The following IGF1 variants were observed in gnomAD, a reference collection of about 807,000 sequenced individuals.
IGF1 encodes insulin like growth factor 1.
In IGF1, 4 loss-of-function variants were observed where a neutral mutation model predicts 13.8. That is an observed-to-expected ratio of 0.29 (90% CI 0.14 to 0.66). IGF1 has a LOEUF of 0.66. IGF1 is among the 30% of genes least tolerant of loss of function. IGF1 has a pLI of 0.78. For missense variants in IGF1, 124 were observed against 188.5 expected (o/e 0.66, Z 2.00); for synonymous variants, 76 against 72.6 (o/e 1.05, Z -0.23).
At chr12:102,451,744 T>G (rs1764376588) in intron 2 of IGF1, among the ~76,000 whole-genome samples, 1 of 152,108 alleles carries the variant, frequency 6.6e-6, no homozygotes, top group African/African-American at 2.4e-5. Flanking sequence ...AGGAACCCTG[T>G]CAGTTTGGTT....
chr12:102,444,698 A>G (rs1222800067), intron 2 of IGF1, among the ~76,000 whole-genome samples: 2 of 152,108 alleles, frequency 1.3e-5, no homozygotes, highest in South Asian at 2.1e-4. Flanking sequence ...AAGCAAAACA[A>G]TTGGTTACCT....
chr12:102,405,670 A>T (rs1023931727), intron 3 of IGF1, among the ~76,000 whole-genome samples: 1 of 152,220 alleles, frequency 6.6e-6, no homozygotes, highest in African/African-American at 2.4e-5. Flanking sequence ...GCTCAAAATA[A>T]GAAGTTCTTT....
chr12:102,474,989 C>T (rs532117252), intron 2 of IGF1, among the ~76,000 whole-genome samples: 20 of 152,028 alleles, frequency 1.3e-4, no homozygotes, highest in Middle Eastern at 6.8e-3. Flanking sequence ...TGATGGGTCC[C>T]GGAGAAGAAC....
intron 2 of IGF1, 22 bp from the exon 3 acceptor site, chr12:102,419,712 G>T (rs769214092): frequency 1.2e-6 from 2 of 1,608,834 alleles, no homozygotes; most frequent in South Asian, 2.2e-5. Context: ...AAACAGAGTG[G>T]CCTCATGTTA....
intron 2 of IGF1, among the ~76,000 whole-genome samples, chr12:102,431,100 C>T (rs540314860): frequency 1.3e-5 from 2 of 152,308 alleles, no homozygotes; most frequent in Admixed American, 1.3e-4. Flanking sequence ...ACCAAGGGGT[C>T]TCTTTCTCTT....
At chr12:102,423,654 T>C (rs1408161985) in intron 2 of IGF1, among the ~76,000 whole-genome samples, 1 of 152,178 alleles carries the variant, frequency 6.6e-6, no homozygotes, top group Non-Finnish European at 1.5e-5. Context: ...GCTTCTATAA[T>C]AACAGCACTT....
At chr12:102,416,705 G>A (rs932004407) in intron 3 of IGF1, among the ~76,000 whole-genome samples, 3 of 152,160 alleles carry the variant, frequency 2.0e-5, no homozygotes, top group Admixed American at 1.3e-4. Context: ...ATCTGTGGTG[G>A]GGTGGTGGAG....
In IGF1 at chr12:102,448,689, T is replaced by TAAAA. The variant is rs58794507; in HGVS notation, c.220+26950_220+26953dup. Reference sequence around the variant, plus strand: ...ATGTACCCTAAAACTTAGAGTATAATAAAAAAAAAAAAAAAAAAAAAAAAA... The same window carrying TAAAA: ...ATGTACCCTAAAACTTAGAGTATAATAAAAAAAAAAAAAAAAAAAAAAAAAAAAA... On this transcript the variant is annotated intron_variant, in intron 2 of 3. Coordinates refer to ENST00000337514, the MANE Select transcript of IGF1 (RefSeq NM_000618.5). 6.1e-4 allele frequency among the ~76,000 whole-genome samples: 67 copies of TAAAA among 110,294 alleles called. 2 individuals are homozygous for TAAAA. In the East Asian group the frequency reaches 6.4e-3, roughly 11 times the overall value. The allele number at this position is 110,294 out of a possible 152,430, so 72.4% of individuals were successfully genotyped here. A position where few individuals can be genotyped will look rare whatever the true frequency, so the allele number is the denominator to read the frequency against.
chr12:102,439,531 G>A (rs35403470), intron 2 of IGF1, among the ~76,000 whole-genome samples: 14,997 of 152,194 alleles, frequency 0.099, 1,005 homozygotes, highest in Non-Finnish European at 0.15. Context: ...TGAGTGAGCA[G>A]GAAAGTACTA....
At chr12:102,413,598 A>T (rs1249177247) in intron 3 of IGF1, among the ~76,000 whole-genome samples, 4 of 152,168 alleles carry the variant, frequency 2.6e-5, no homozygotes, top group African/African-American at 9.7e-5. Flanking sequence ...AAGGCACTGG[A>T]TTGGCAGCCC....
In IGF1 at chr12:102,442,510, G is replaced by C. The variant is rs143012977; in HGVS notation, c.221-22820C>G. Among the ~76,000 whole-genome samples the C allele has an allele frequency of 2.4e-3, 360 of 152,130 alleles. 8 individuals are homozygous for C. The highest frequency in any genetic ancestry group is 7.6e-3 in the African/African-American group (317 of 41,532). On this transcript the variant is annotated intron_variant, in intron 2 of 3. Transcript: ENST00000337514. ...CTGATAAACAGAGTGAAGTGAAAAG[G>C]CATGCTCTTTGCATTTTAAAAACCC...
At chr12:102,428,986 A>G (rs967036029) in intron 2 of IGF1, among the ~76,000 whole-genome samples, 1 of 152,260 alleles carries the variant, frequency 6.6e-6, no homozygotes, top group Non-Finnish European at 1.5e-5. Flanking sequence ...CAGAATATAA[A>G]ATCAGAAGAT....
chr12:102,465,603 T>A lies in IGF1; in HGVS notation c.220+10040A>T, dbSNP rs1880242148. On this transcript the variant is annotated intron_variant, in intron 2 of 3. Transcript: ENST00000337514. ...TCACTTGTGAGGAATTGAGTTTATT[T>A]ATTATGTGCCTGACAAGGGAACAGC... Among the ~76,000 whole-genome samples the A allele has an allele frequency of 2.0e-5, 3 of 152,332 alleles. No individual in the cohort carries two copies. In the South Asian group the frequency reaches 6.2e-4, roughly 32 times the overall value.
intron 2 of IGF1, among the ~76,000 whole-genome samples, chr12:102,421,484 A>G (rs746777516): frequency 6.6e-6 from 1 of 152,202 alleles, no homozygotes; most frequent in Non-Finnish European, 1.5e-5. Flanking sequence ...TAGCCAGTAA[A>G]GCACAGCTGA....
chr12:102,433,258 T>C (rs1372943151), intron 2 of IGF1, among the ~76,000 whole-genome samples: 1 of 152,212 alleles, frequency 6.6e-6, no homozygotes, highest in Non-Finnish European at 1.5e-5. Flanking sequence ...CTTGAGCACC[T>C]ACTGAATTGT....
chr12:102,436,704 TA>T (rs543699882), intron 2 of IGF1, among the ~76,000 whole-genome samples: 2 of 152,134 alleles, frequency 1.3e-5, no homozygotes, highest in Non-Finnish European at 2.9e-5. Context: ...AAAAAAAAAT[TA>T]TAATTTTTTA....
At position 102,399,314 on chromosome 12, in the gene IGF1, G is replaced by A. The variant is rs1399840251; in HGVS notation, c.*3193C>T. 6.6e-6 allele frequency: 1 copy of A among 152,474 alleles called. No individual in the cohort carries two copies. The highest frequency in any genetic ancestry group is 1.5e-5 in the Non-Finnish European group (1 of 67,994). The allele number at this position is 152,474 out of a possible 1,614,324, so 9.4% of individuals were successfully genotyped here. A position where few individuals can be genotyped will look rare whatever the true frequency, so the allele number is the denominator to read the frequency against. On this transcript the variant is annotated 3_prime_UTR_variant, in exon 4 of 4. Transcript: ENST00000337514. ...AACAGAAATTTGACCTAAGTATCCA[G>A]TATGGTCAATTAAATTGGAAATAAG...
chr12:102,420,332 A>C (rs1875593751), intron 2 of IGF1, among the ~76,000 whole-genome samples: 1 of 152,154 alleles, frequency 6.6e-6, no homozygotes, highest in Non-Finnish European at 1.5e-5. Context: ...CTGTTGTATG[A>C]CTCTGGAAAA....
Position 102,396,226 on chromosome 12 carries a change from A to G in IGF1, c.*6281T>C, listed in dbSNP as rs899523904. 4 of 152,246 alleles carry G rather than the reference A, an allele frequency of 2.6e-5. No individual in the cohort carries two copies. Among genetic ancestry groups the G allele is most frequent in the Admixed American group, 1.3e-4 (2 of 15,278 alleles). 9.4% of individuals were successfully genotyped at this position (152,246 alleles called of 1,614,324 possible). A position where few individuals can be genotyped will look rare whatever the true frequency, so the allele number is the denominator to read the frequency against. ...TGGCCTATAAGTGTGATAAAAATAC[A>G]TGAGGCAAAATACATGATGTAATCC... is the stretch of plus-strand genomic sequence containing the variant. On this transcript the variant is annotated 3_prime_UTR_variant, in exon 4 of 4. Transcript: ENST00000337514.
Sources: gnomAD v4.1 joint callset for allele counts (sites outside exome capture counted in the v4.1 genomes callset) on GRCh38, gnomAD v4.1.1 for gene constraint, MANE v1.5 for transcripts, NCBI Gene and HGNC (gene_info 2026-07-23, HGNC 2026-07-21) for gene names.